The following SUGCT variants were observed in gnomAD, a reference collection of about 807,000 sequenced individuals.
SUGCT encodes succinyl-CoA:glutarate CoA-transferase.
SUGCT carries 41 observed loss-of-function variants against 55.0 expected under a neutral mutation model. The observed-to-expected ratio is 0.74, with a 90% CI of 0.58 to 0.97. The LOEUF (loss-of-function observed/expected upper bound fraction) is 0.97. SUGCT is among the 50% of genes least tolerant of loss of function. The pLI is 0.00. For missense variants in SUGCT, 568 were observed against 547.8 expected (o/e 1.04, Z -0.37); for synonymous variants, 187 against 200.4 (o/e 0.93, Z 0.56).
intron 7 of SUGCT, among the ~76,000 whole-genome samples, chr7:40,270,061 A>G (rs1460771383): frequency 6.7e-6 from 1 of 149,470 alleles, no homozygotes; most frequent in Non-Finnish European, 1.5e-5. Flanking sequence ...GCATGAACCC[A>G]GGAGGTGGAG....
chr7:40,980,207 C>T, the SUGCT span, among the ~76,000 whole-genome samples: 2 of 152,120 alleles, frequency 1.3e-5, no homozygotes, highest in Non-Finnish European at 2.9e-5. Context: ...TTCATCCTCA[C>T]TAATCCCATC....
chr7:40,531,953 C>T (rs997564208), intron 12 of SUGCT, among the ~76,000 whole-genome samples: 6 of 152,156 alleles, frequency 3.9e-5, no homozygotes, highest in Non-Finnish European at 8.8e-5. Context: ...GGATTACAGG[C>T]GTGAGCCACC....
chr7:40,593,832 C>G (rs950163724), intron 12 of SUGCT, among the ~76,000 whole-genome samples: 2 of 152,118 alleles, frequency 1.3e-5, no homozygotes, highest in Admixed American at 1.3e-4. Context: ...GACTGAGACT[C>G]TGTCTCACAA....
At chr7:40,817,354 C>G (rs1791724607) in intron 13 of SUGCT, among the ~76,000 whole-genome samples, 1 of 152,050 alleles carries the variant, frequency 6.6e-6, no homozygotes, top group South Asian at 2.1e-4. Flanking sequence ...CAGGAACACC[C>G]AAGTCACTGG....
At chr7:40,497,878 T>C (rs1250105959) in intron 12 of SUGCT, among the ~76,000 whole-genome samples, 1 of 151,760 alleles carries the variant, frequency 6.6e-6, no homozygotes, top group African/African-American at 2.4e-5. Flanking sequence ...AAAAATATAT[T>C]AAGTATATTC....
intron 13 of SUGCT, among the ~76,000 whole-genome samples, chr7:40,760,370 T>C (rs1788471299): frequency 6.6e-6 from 1 of 152,128 alleles, no homozygotes; most frequent in African/African-American, 2.4e-5. Flanking sequence ...CGTGATTCCA[T>C]ATAAGGTACT....
intron 12 of SUGCT, among the ~76,000 whole-genome samples, chr7:40,522,556 A>G (rs1296333368): frequency 1.3e-5 from 2 of 152,056 alleles, no homozygotes; most frequent in Admixed American, 6.6e-5. Context: ...CTGTCTCCTC[A>G]CTTGACCCAT....
intron 6 of SUGCT, among the ~76,000 whole-genome samples, chr7:40,234,195 T>A (rs1788878472): frequency 1.3e-5 from 2 of 152,240 alleles, no homozygotes; most frequent in Non-Finnish European, 2.9e-5. Context: ...AGCACCTGAT[T>A]TTCCGAACCT....
chr7:41,020,542 C>T, the SUGCT span, among the ~76,000 whole-genome samples: 1 of 152,188 alleles, frequency 6.6e-6, no homozygotes, highest in African/African-American at 2.4e-5. Context: ...ATATTTTTCT[C>T]ACTTGAAGGT....
the SUGCT span, among the ~76,000 whole-genome samples, chr7:40,890,098 T>C: frequency 6.6e-6 from 1 of 151,356 alleles, no homozygotes; most frequent in Non-Finnish European, 1.5e-5. Flanking sequence ...TCTGTGTGGG[T>C]TGCCATATGG....
chr7:40,237,712 A>T lies in SUGCT; in HGVS notation c.562A>T (p.Ile188Phe). 1.2e-6 allele frequency: 2 copies of T among 1,613,704 alleles called. No homozygotes were observed. Among genetic ancestry groups the T allele is most frequent in the Non-Finnish European group, 1.7e-6 (2 of 1,179,626 alleles). Residue 188 changes from isoleucine (I) to phenylalanine (F), a missense_variant, in exon 7 of 14, where the codon ATC (isoleucine) becomes TTC (phenylalanine). By Grantham distance (21) the Ile-to-Phe change is conservative. Coordinates refer to ENST00000335693, the MANE Select transcript of SUGCT (RefSeq NM_001193313.2). ...CTCGGCTGTTTCTGGTCTGATGCAC[A>T]TCACAGGGCCTGAGGTAGGTATCCT... ...VASAVSGLMH[I>F]TGPENGDPVR... is the part of the protein sequence containing the mutation.
rs149639086 is a variant in SUGCT at position 40,830,318 on chromosome 7, C to T, written c.1154-29998C>T. On this transcript the variant is annotated intron_variant, in intron 13 of 13. Transcript: ENST00000335693. The stretch of plus-strand genomic sequence containing the variant: ...AGAAGTTAGGAGAAAGTCCTTCCAG[C>T]GGTTTGCAGAGCACATATCAACAGA... 3.2e-4 allele frequency among the ~76,000 whole-genome samples: 48 copies of T among 152,274 alleles called. 1 individual carries two copies. The highest frequency in any genetic ancestry group is 9.9e-4 in the African/African-American group (41 of 41,558).
chr7:40,841,246 T>C (rs914093083), intron 13 of SUGCT, among the ~76,000 whole-genome samples: 1 of 152,132 alleles, frequency 6.6e-6, no homozygotes, highest in Non-Finnish European at 1.5e-5. Flanking sequence ...TTTTATTCAT[T>C]CATCAATAAC....
intron 12 of SUGCT, among the ~76,000 whole-genome samples, chr7:40,717,267 G>A (rs1045147571): frequency 6.6e-5 from 10 of 152,096 alleles, no homozygotes; most frequent in Non-Finnish European, 1.5e-4. Flanking sequence ...TTAGGCTCGC[G>A]GACACATAGA....
chr7:40,836,762 C>G (rs997761306), intron 13 of SUGCT, among the ~76,000 whole-genome samples: 1 of 152,156 alleles, frequency 6.6e-6, no homozygotes, highest in Non-Finnish European at 1.5e-5. Context: ...TGAGATTCAT[C>G]CAAGTTGTTG....
intron 1 of SUGCT, among the ~76,000 whole-genome samples, chr7:40,171,427 C>T (rs1021157818): frequency 6.6e-6 from 1 of 152,206 alleles, no homozygotes. Flanking sequence ...AACCATCTAC[C>T]TTCTTGTCCT....
intron 8 of SUGCT, among the ~76,000 whole-genome samples, chr7:40,294,825 G>T (rs1030832149): frequency 6.6e-6 from 1 of 152,188 alleles, no homozygotes; most frequent in Non-Finnish European, 1.5e-5. Flanking sequence ...GGGATTACAG[G>T]TGTGAGCCAC....
At position 40,822,146 on chromosome 7, in the gene SUGCT, T is replaced by A. The variant is rs138027803; in HGVS notation, c.1154-38170T>A. ...CTGAGAGACAGTTTGTTATAATTTC[T>A]GTTCTTTTACATTTGCTGAGGAGTA... On this transcript the variant is annotated intron_variant, in intron 13 of 13. Transcript: ENST00000335693. Among the ~76,000 whole-genome samples, 426 of 152,312 alleles carry A rather than the reference T, an allele frequency of 2.8e-3. 3 individuals are homozygous for A. Among genetic ancestry groups the A allele is most frequent in the African/African-American group, 9.7e-3 (405 of 41,582 alleles).
chr7:40,845,223 G>T (rs1223167933), intron 13 of SUGCT, among the ~76,000 whole-genome samples: 1 of 152,114 alleles, frequency 6.6e-6, no homozygotes, highest in Non-Finnish European at 1.5e-5. Flanking sequence ...CTGAGGAGAA[G>T]CAGATCAAAT....
Sources: gnomAD v4.1 joint callset for allele counts (sites outside exome capture counted in the v4.1 genomes callset) on GRCh38, gnomAD v4.1.1 for gene constraint, MANE v1.5 for transcripts, NCBI Gene and HGNC (gene_info 2026-07-23, HGNC 2026-07-21) for gene names.